REEP1: variants seen among roughly 807,000 people sequenced by gnomAD.
REEP1 encodes receptor accessory protein 1.
Under a neutral mutation model 40.3 loss-of-function variants are expected in REEP1, and 22 were observed. That is an observed-to-expected ratio of 0.55 (90% CI 0.39 to 0.78). The LOEUF (loss-of-function observed/expected upper bound fraction) is 0.78. Ranked by LOEUF, REEP1 falls within the 30% of genes least tolerant of loss-of-function variation. The pLI is 0.00. For synonymous variants in REEP1, 116 were observed against 139.2 expected, an observed-to-expected ratio of 0.83 and a Z score of 1.17; for missense variants, 280 against 361.1, an observed-to-expected ratio of 0.78 and a Z score of 1.82.
intron 1 of REEP1, among the ~76,000 whole-genome samples, chr2:86,317,530 G>A (rs111253978): frequency 0.016 from 2,384 of 152,218 alleles, 28 homozygotes; most frequent in South Asian, 0.031. Flanking sequence ...TTGCCTTTTC[G>A]CTGTGTTGAA....
Position 86,337,463 on chromosome 2 carries a change from G to A in REEP1, c.32+16C>T. On this transcript the variant is annotated intron_variant, in intron 1 of 8. Coordinates refer to ENST00000538924, the MANE Select transcript of REEP1 (RefSeq NM_001371279.1). This position sits in a 1 kb window ranked among gnomAD's most constrained non-coding sequence, Gnocchi z 5.8. ...GAGGGAGGGGACGGAGGGGCGCGGG[G>A]GAGAAGGCCACTTACACCACCAGCC... The A allele has an allele frequency of 3.1e-6, 4 of 1,274,184 alleles. No individual in the cohort carries two copies. Among genetic ancestry groups the A allele is most frequent in the African/African-American group, 1.6e-5 (1 of 64,096 alleles). 78.9% of individuals were successfully genotyped at this position (1,274,184 alleles called of 1,614,324 possible).
intron 1 of REEP1, among the ~76,000 whole-genome samples, chr2:86,325,487 G>T (rs1680463838): frequency 6.6e-6 from 1 of 152,140 alleles, no homozygotes; most frequent in African/African-American, 2.4e-5. Flanking sequence ...TTAAATTAAG[G>T]ATTTTGAGAT....
At chr2:86,277,973 GT>G (rs113220688) in intron 2 of REEP1, among the ~76,000 whole-genome samples, 3,214 of 152,270 alleles carry the variant, frequency 0.021, 46 homozygotes, top group Middle Eastern at 0.037. Context: ...CAAGTAATCA[GT>G]TTAATATTTA....
chr2:86,320,289 C>T (rs920673628), intron 1 of REEP1, among the ~76,000 whole-genome samples: 1 of 152,218 alleles, frequency 6.6e-6, no homozygotes, highest in Non-Finnish European at 1.5e-5. Context: ...ACACTACCAA[C>T]GTGGTCAAAA....
At chr2:86,266,385 C>T (rs1025609728) in intron 2 of REEP1, among the ~76,000 whole-genome samples, 4 of 151,198 alleles carry the variant, frequency 2.6e-5, no homozygotes, top group Admixed American at 6.6e-5. Context: ...TTTGGGAGGC[C>T]GAGGCGGGTG....
chr2:86,266,280 T>C (rs143663330), intron 2 of REEP1, among the ~76,000 whole-genome samples: 1,526 of 152,318 alleles, frequency 0.01, 38 homozygotes, highest in African/African-American at 0.034. Context: ...GAAAAACATA[T>C]AATTAAATAT....
chr2:86,328,247 G>A (rs1680604508), intron 1 of REEP1, among the ~76,000 whole-genome samples: 1 of 152,194 alleles, frequency 6.6e-6, no homozygotes, highest in African/African-American at 2.4e-5. Flanking sequence ...TTCTCAAGGT[G>A]GGTTGTATTC....
chr2:86,335,873 C>A (rs1203258634), intron 1 of REEP1, among the ~76,000 whole-genome samples: 1 of 141,198 alleles, frequency 7.1e-6, no homozygotes, highest in Non-Finnish European at 1.5e-5. Flanking sequence ...AAAAAAAGGG[C>A]AGGGGTGAGG....
At chr2:86,258,934 AT>A (rs2104275225) in intron 3 of REEP1, among the ~76,000 whole-genome samples, 1 of 152,338 alleles carries the variant, frequency 6.6e-6, no homozygotes, top group African/African-American at 2.4e-5. Flanking sequence ...TAGACATGGG[AT>A]GAAACTGTCC....
intron 1 of REEP1, among the ~76,000 whole-genome samples, chr2:86,323,798 T>C (rs1334033361): frequency 6.6e-6 from 1 of 152,178 alleles, no homozygotes; most frequent in Admixed American, 6.6e-5. Flanking sequence ...AGCGTGGCAC[T>C]GTGGCAGGCA....
Position 86,216,885 on chromosome 2 carries a change from T to A in REEP1, c.*154A>T. On this transcript the variant is annotated 3_prime_UTR_variant, in exon 9 of 9. Transcript: ENST00000538924. ...TAAAGAAAAGGGGGAAAAAAATAAA[T>A]CCTTAAAAGTGGAAGGGGAGAGAGA... 4.2e-5 allele frequency: 26 copies of A among 613,378 alleles called. No homozygotes were observed. Among genetic ancestry groups the A allele is most frequent in the Non-Finnish European group, 6.0e-5 (21 of 348,710 alleles). 38.0% of individuals were successfully genotyped at this position (613,378 alleles called of 1,614,324 possible).
intron 1 of REEP1, among the ~76,000 whole-genome samples, chr2:86,326,992 G>T (rs1269908884): frequency 1.3e-5 from 2 of 152,210 alleles, no homozygotes; most frequent in African/African-American, 4.8e-5. Context: ...AATCGGGCTA[G>T]TGATTTTGAC....
intron 3 of REEP1, among the ~76,000 whole-genome samples, chr2:86,255,319 T>C (rs1676496743): frequency 6.6e-6 from 1 of 152,188 alleles, no homozygotes; most frequent in Non-Finnish European, 1.5e-5. Context: ...TTGGCTGCCT[T>C]CTTGGCCCAA....
At chr2:86,242,911 C>T (rs1330996385) in intron 5 of REEP1, among the ~76,000 whole-genome samples, 1 of 152,020 alleles carries the variant, frequency 6.6e-6, no homozygotes, top group African/African-American at 2.4e-5. Flanking sequence ...TCAAAGGTGA[C>T]AGAGATTTGG....
chr2:86,254,849 G>T, intron 3 of REEP1, 35 bp from the exon 4 acceptor site: 1 of 1,611,300 alleles, frequency 6.2e-7, no homozygotes, highest in Non-Finnish European at 8.5e-7. Flanking sequence ...GTTCTGTTAG[G>T]TTCTCAGCAA....
At chr2:86,288,484 A>T (rs1678529818) in intron 1 of REEP1, among the ~76,000 whole-genome samples, 1 of 152,192 alleles carries the variant, frequency 6.6e-6, no homozygotes, top group Non-Finnish European at 1.5e-5. Context: ...ACTACTGTGT[A>T]CCACTTTACT....
chr2:86,282,186 T>C lies in REEP1; in HGVS notation c.89A>G (p.Lys30Arg). The C allele has an allele frequency of 6.2e-7, 1 of 1,610,336 alleles. No homozygotes were observed. Among genetic ancestry groups the C allele is most frequent in the Non-Finnish European group, 8.5e-7 (1 of 1,176,612 alleles). ...GCTACTTACATATTCCTTAATGTCCTTTGATTTCACAGCCTTGTAGGAATA... is the reference window on the plus strand; with the variant it reads ...GCTACTTACATATTCCTTAATGTCCCTTGATTTCACAGCCTTGTAGGAATA... ...AYYSYKAVKS[K>R]DIKEYVKWMM... The change falls in exon 2 of 9, where the codon AAG (lysine) becomes AGG (arginine). Residue 30 changes from lysine to arginine, a missense_variant. Transcript: ENST00000538924.
chr2:86,297,947 C>T (rs78541245), intron 1 of REEP1, among the ~76,000 whole-genome samples: 3,033 of 152,280 alleles, frequency 0.02, 96 homozygotes, highest in African/African-American at 0.069. Context: ...GCAAAAACTT[C>T]AGCACCATAT....
At chr2:86,265,682 G>A (rs1432786869) in intron 2 of REEP1, among the ~76,000 whole-genome samples, 1 of 152,128 alleles carries the variant, frequency 6.6e-6, no homozygotes, top group Non-Finnish European at 1.5e-5. Context: ...GAATAACTCA[G>A]AAACAGAAAG....
Sources: gnomAD v4.1 joint callset for allele counts (sites outside exome capture counted in the v4.1 genomes callset) on GRCh38, gnomAD v4.1.1 for gene constraint, Gnocchi (gnomAD v3.1) non-coding constraint, MANE v1.5 for transcripts, NCBI Gene and HGNC (gene_info 2026-07-23, HGNC 2026-07-21) for gene names.